POTEB: variants seen among roughly 807,000 people sequenced by gnomAD.
POTEB encodes the protein ANKRD26-like family B, member 1.
chr15:21,854,929 C>A (rs1889845578), intron 9 of POTEB, among the ~76,000 whole-genome samples: 1 of 144,986 alleles, frequency 6.9e-6, no homozygotes, highest in South Asian at 2.2e-4. Flanking sequence ...ACATAAAGAC[C>A]AAGAAAAACT....
rs1377422704 is a variant in POTEB at position 21,855,050 on chromosome 15, T to C, written c.1298+1742A>G. Among the ~76,000 whole-genome samples, 6 of 146,220 alleles carry C rather than the reference T, an allele frequency of 4.1e-5. No individual in the cohort carries two copies. The South Asian group carries it at 6.6e-4, about 16-fold the overall frequency. ...GATCACCATAAAATACTGAATTCTA[T>C]TAACAGGAATAAAGTGGCAGAAATG... On this transcript the variant is annotated intron_variant, in intron 9 of 10. Transcript: ENST00000439682.
At chr15:21,871,364 A>AAC (rs554170349) in intron 3 of POTEB, among the ~76,000 whole-genome samples, 3,059 of 12,034 alleles carry the variant, frequency 0.25, 913 homozygotes, top group East Asian at 0.34. Flanking sequence ...CAACAATAAC[A>AAC]ACACACACAC....
intron 9 of POTEB, among the ~76,000 whole-genome samples, chr15:21,850,199 T>TAAATAAAG (rs1889743411): frequency 1.7e-5 from 1 of 58,218 alleles, no homozygotes; most frequent in African/African-American, 5.6e-5. Flanking sequence ...AATAAATAAA[T>TAAATAAAG]AAAGACCTAA....
chr15:21,855,354 C>A (rs1889865385), intron 9 of POTEB, among the ~76,000 whole-genome samples: 1 of 147,430 alleles, frequency 6.8e-6, no homozygotes, highest in Non-Finnish European at 1.5e-5. Context: ...CTTTACAGTC[C>A]ATAGAGTCAA....
chr15:21,850,171 T>TAA (rs1361499926), intron 9 of POTEB, among the ~76,000 whole-genome samples: 1 of 57,444 alleles, frequency 1.7e-5, no homozygotes, highest in East Asian at 3.7e-4. Context: ...AAAATAAAAA[T>TAA]AAATAAATAA....
At chr15:21,855,202 G>A (rs1393548328) in intron 9 of POTEB, among the ~76,000 whole-genome samples, 2 of 148,322 alleles carry the variant, frequency 1.3e-5, no homozygotes, top group African/African-American at 4.9e-5. Flanking sequence ...CACATGCTGG[G>A]CACTTTTATA....
At chr15:21,870,238 C>T (rs1316716848) in intron 3 of POTEB, among the ~76,000 whole-genome samples, 2 of 64,026 alleles carry the variant, frequency 3.1e-5, no homozygotes, top group Non-Finnish European at 3.5e-5. Context: ...CACTTGAGCC[C>T]AGGAGTTCAA....
At chr15:21,855,142 G>C (rs1486621581) in intron 9 of POTEB, among the ~76,000 whole-genome samples, 2 of 148,374 alleles carry the variant, frequency 1.3e-5, no homozygotes, top group Non-Finnish European at 3.0e-5. Context: ...GAAAAATATG[G>C]TGAGGTGAAT....
intron 10 of POTEB, among the ~76,000 whole-genome samples, chr15:21,847,356 A>C (rs1889706388): frequency 1.4e-5 from 1 of 70,778 alleles, no homozygotes; most frequent in African/African-American, 4.6e-5. Context: ...ACACACACAC[A>C]CACACACACA....
intron 9 of POTEB, among the ~76,000 whole-genome samples, chr15:21,855,101 G>C (rs1889853689): frequency 6.8e-6 from 1 of 148,112 alleles, no homozygotes; most frequent in South Asian, 2.2e-4. Flanking sequence ...TTTTACAAAT[G>C]AAATTTTTAA....
intron 9 of POTEB, among the ~76,000 whole-genome samples, chr15:21,850,171 T>TAAAA (rs1361499926): frequency 1.7e-5 from 1 of 57,500 alleles, no homozygotes; most frequent in African/African-American, 5.6e-5. Flanking sequence ...AAAATAAAAA[T>TAAAA]AAATAAATAA....
In POTEB at chr15:21,853,311, C is replaced by T. The variant is rs1889805813; in HGVS notation, c.1298+3481G>A. Among the ~76,000 whole-genome samples, 2 of 11,092 alleles carry T rather than the reference C, an allele frequency of 1.8e-4. 1 individual carries two copies. Among genetic ancestry groups the T allele is most frequent in the African/African-American group, 1.9e-4 (2 of 10,400 alleles). The allele number at this position is 11,092 out of a possible 152,430, so 7.3% of individuals were successfully genotyped here. A position where few individuals can be genotyped will look rare whatever the true frequency, so the allele number is the denominator to read the frequency against. On this transcript the variant is annotated intron_variant, in intron 9 of 10. Transcript: ENST00000439682. ...AAATCATTCCCGACACAGGGAACTG[C>T]GAATCACAGAGGTGTGCCTGGCATC...
At chr15:21,867,078 G>A (rs1239964202) in intron 5 of POTEB, among the ~76,000 whole-genome samples, 1 of 278 alleles carries the variant, frequency 3.6e-3, no homozygotes, top group African/African-American at 3.7e-3. Context: ...TGGCAACAAT[G>A]CAGCAACAGA....
At chr15:21,870,365 G>A (rs866776766) in intron 3 of POTEB, among the ~76,000 whole-genome samples, 36 of 63,318 alleles carry the variant, frequency 5.7e-4, no homozygotes, top group South Asian at 1.2e-3. Context: ...ATCTGTGACC[G>A]CACCACTGCA....
rs1315483337 is a variant in POTEB, at chr15:21,871,369, A to ACACC, written c.699+637_699+638insGGTG. Among the ~76,000 whole-genome samples, 5 of 17,792 alleles carry ACACC rather than the reference A, an allele frequency of 2.8e-4. 1 individual carries two copies. The highest frequency in any genetic ancestry group is 6.2e-4 in the African/African-American group (5 of 8,114). The allele number at this position is 17,792 out of a possible 152,430, so 11.7% of individuals were successfully genotyped here. A position where few individuals can be genotyped will look rare whatever the true frequency, so the allele number is the denominator to read the frequency against. ...AATGAATGAACAACAATAACAACAC[A>ACACC]CACACACACACACACACACACACAC... is the stretch of plus-strand genomic sequence containing the variant. On this transcript the variant is annotated intron_variant, in intron 3 of 10. Coordinates refer to ENST00000439682, the MANE Select transcript of POTEB (RefSeq NM_001277304.2).
At chr15:21,854,445 T>C (rs1199367898) in intron 9 of POTEB, among the ~76,000 whole-genome samples, 2 of 150,052 alleles carry the variant, frequency 1.3e-5, no homozygotes, top group African/African-American at 2.4e-5. Context: ...AGGGAGGAGA[T>C]GCCCTCCATT....
intron 3 of POTEB, among the ~76,000 whole-genome samples, chr15:21,871,374 CA>C: frequency 5.4e-5 from 1 of 18,380 alleles, no homozygotes; most frequent in African/African-American, 1.2e-4. Flanking sequence ...AACACACACA[CA>C]CACACACACA....
At chr15:21,854,791 AT>A (rs1354527977) in intron 9 of POTEB, among the ~76,000 whole-genome samples, 2 of 146,218 alleles carry the variant, frequency 1.4e-5, no homozygotes. Flanking sequence ...TTTAAAGCTT[AT>A]AAAAATTATA....
chr15:21,855,114 A>G (rs1468685650), intron 9 of POTEB, among the ~76,000 whole-genome samples: 1 of 148,364 alleles, frequency 6.7e-6, no homozygotes, highest in South Asian at 2.1e-4. Flanking sequence ...ATTTTTAAAA[A>G]TATATGAAGT....
Sources: gnomAD v4.1 joint callset for allele counts (sites outside exome capture counted in the v4.1 genomes callset) on GRCh38, gnomAD v4.1.1 for gene constraint, MANE v1.5 for transcripts, NCBI Gene and HGNC (gene_info 2026-07-23, HGNC 2026-07-21) for gene names.